The following AHRR variants were observed in gnomAD, a reference collection of about 807,000 sequenced individuals.
AHRR encodes aryl hydrocarbon receptor repressor, also known as ahR repressor.
Under a neutral mutation model 44.0 loss-of-function variants are expected in AHRR, and 28 were observed. That is an observed-to-expected ratio of 0.64 (90% CI 0.47 to 0.87). The LOEUF (loss-of-function observed/expected upper bound fraction) is 0.87. Among genes scored for constraint, AHRR ranks in the 40% least tolerant of loss-of-function variants. The pLI, the probability that AHRR is intolerant of heterozygous loss-of-function variation, is 0.00. For missense variants in AHRR, 990 were observed against 953.9 expected (o/e 1.04, Z -0.50); for synonymous variants, 434 against 407.0 (o/e 1.07, Z -0.80).
chr5:420,598 A>G (rs530180214), intron 5 of AHRR, among the ~76,000 whole-genome samples: 78 of 152,302 alleles, frequency 5.1e-4, no homozygotes, highest in African/African-American at 1.8e-3. Context: ...GCAGAGCTAG[A>G]CCCATGAGGA....
chr5:341,024 T>C (rs1196153973), intron 1 of AHRR, among the ~76,000 whole-genome samples: 1 of 150,462 alleles, frequency 6.6e-6, no homozygotes, highest in Non-Finnish European at 1.5e-5. Context: ...TCTTTTCTTT[T>C]CTTTTTTTTA....
intron 4 of AHRR, among the ~76,000 whole-genome samples, chr5:377,849 A>C (rs1334186708): frequency 1.3e-5 from 2 of 151,780 alleles, no homozygotes; most frequent in African/African-American, 4.8e-5. Context: ...CTTCAGGGGG[A>C]CTCTCCAAGA....
At chr5:353,696 A>G (rs1579615491) in intron 2 of AHRR, 34 bp from the exon 3 acceptor site, 1 of 1,573,746 alleles carries the variant, frequency 6.4e-7, no homozygotes, top group South Asian at 1.2e-5. Context: ...CTTCTGGTGG[A>G]GAAGCCCACC....
intron 4 of AHRR, among the ~76,000 whole-genome samples, chr5:378,196 A>G (rs1272309400): frequency 6.6e-6 from 1 of 152,266 alleles, no homozygotes; most frequent in Non-Finnish European, 1.5e-5. Context: ...AAAGCAAGCA[A>G]CAACAGCAGC....
At chr5:407,756 C>CAATGGACT (rs1310511903) in intron 4 of AHRR, among the ~76,000 whole-genome samples, 1 of 152,226 alleles carries the variant, frequency 6.6e-6, no homozygotes, top group Non-Finnish European at 1.5e-5. Context: ...CCAGGCTGGT[C>CAATGGACT]TCGAACTCCT....
At chr5:374,562 G>C (rs181609861) in intron 3 of AHRR, among the ~76,000 whole-genome samples, 26 of 152,296 alleles carry the variant, frequency 1.7e-4, no homozygotes, top group African/African-American at 6.0e-4. Context: ...GAAGAAATGG[G>C]GCAGTTTTTG....
At chr5:369,135 A>G (rs1179230688) in intron 3 of AHRR, among the ~76,000 whole-genome samples, 1 of 152,206 alleles carries the variant, frequency 6.6e-6, no homozygotes, top group Non-Finnish European at 1.5e-5. Flanking sequence ...TCCAGCACCC[A>G]CTTGCTGGGA....
intron 4 of AHRR, among the ~76,000 whole-genome samples, chr5:401,033 C>T (rs952539479): frequency 6.6e-6 from 1 of 152,186 alleles, no homozygotes; most frequent in African/African-American, 2.4e-5. Context: ...GGAGTGAGGC[C>T]CCTCAGTGTC....
intron 8 of AHRR, among the ~76,000 whole-genome samples, chr5:431,622 C>A (rs1438814361): frequency 2.0e-5 from 3 of 152,016 alleles, no homozygotes; most frequent in Non-Finnish European, 4.4e-5. Flanking sequence ...CCATGGCCCC[C>A]AGCAGCGGCC....
chr5:329,045 C>T (rs1741826337), intron 1 of AHRR, among the ~76,000 whole-genome samples: 1 of 152,182 alleles, frequency 6.6e-6, no homozygotes, highest in Non-Finnish European at 1.5e-5. Flanking sequence ...GGGCAGTTTC[C>T]TCCATGCTGT....
chr5:376,552 A>ATGAGAACGGCGGGGT, intron 3 of AHRR, 58 bp from the exon 4 acceptor site: 1 of 1,409,246 alleles, frequency 7.1e-7, no homozygotes, highest in Non-Finnish European at 9.6e-7. Flanking sequence ...ATGTGAATGA[A>ATGAGAACGGCGGGGT]GAAGAGTGGC....
Position 383,698 on chromosome 5 carries a change from G to A in AHRR, c.351+6982G>A, listed in dbSNP as rs534656074. On this transcript the variant is annotated intron_variant, in intron 4 of 10. Transcript: ENST00000684583. The surrounding 1 kb of genome is among the most constrained non-coding windows in gnomAD (Gnocchi z 4.0). ...CCGCTTCAGCTTCTTGAGTAGCTGG[G>A]ACTACAAGCATGTGCCACCATACCC... 2.6e-5 allele frequency among the ~76,000 whole-genome samples: 4 copies of A among 152,118 alleles called. No individual in the cohort carries two copies. In the South Asian group the frequency reaches 8.3e-4, roughly 32 times the overall value.
rs1163690651 is a variant in AHRR at position 404,289 on chromosome 5, G to C, written c.352-9055G>C. 1.2e-5 allele frequency: 6 copies of C among 492,996 alleles called. No homozygotes were observed. The highest frequency in any genetic ancestry group is 1.2e-4 in the Admixed American group (5 of 42,750). 30.5% of individuals were successfully genotyped at this position (492,996 alleles called of 1,614,324 possible). The stretch of plus-strand genomic sequence containing the variant: ...TCATTGCCCTTCTCATCAAACATGT[G>C]AATAATTCGCTAATTTTTCTTCCAG... On this transcript the variant is annotated intron_variant, in intron 4 of 10. Transcript: ENST00000684583. This position sits in a 1 kb window ranked among gnomAD's most constrained non-coding sequence, Gnocchi z 4.1.
In AHRR at chr5:397,986, G is replaced by A. The variant is rs1277207964; in HGVS notation, c.352-15358G>A. Among the ~76,000 whole-genome samples the A allele has an allele frequency of 1.7e-4, 13 of 78,320 alleles. No individual in the cohort carries two copies. The East Asian group carries it at 1.7e-3, about 10-fold the overall frequency. 51.4% of individuals were successfully genotyped at this position (78,320 alleles called of 152,430 possible). ...ATCCACATAGCTCCTGACCATCCAC[G>A]TAGCCCCTGACCATCCACGTAGCCC... is the stretch of plus-strand genomic sequence containing the variant. On this transcript the variant is annotated intron_variant, in intron 4 of 10. Transcript: ENST00000684583.
At position 336,426 on chromosome 5, in the gene AHRR, G is replaced by A. The variant is rs546244645; in HGVS notation, c.-10-7467G>A. 6.3e-4 allele frequency among the ~76,000 whole-genome samples: 96 copies of A among 152,314 alleles called. 1 individual carries two copies. Among genetic ancestry groups the A allele is most frequent in the Non-Finnish European group, 1.6e-4 (11 of 68,036 alleles). ...ATTTTGGTTCTTCTAAGTGGATGAGGTGTGCTTGAAATGCTTCTAGTCAAC... is the reference window on the plus strand; with the variant it reads ...ATTTTGGTTCTTCTAAGTGGATGAGATGTGCTTGAAATGCTTCTAGTCAAC... On this transcript the variant is annotated intron_variant, in intron 1 of 10. Transcript: ENST00000684583.
intron 5 of AHRR, chr5:421,171 C>A (rs1206818397): frequency 3.4e-6 from 2 of 590,444 alleles, no homozygotes. Flanking sequence ...GCCGCTCTGG[C>A]GCCCGGCTGG....
chr5:386,221 A>G (rs1021514352), intron 4 of AHRR, among the ~76,000 whole-genome samples: 4 of 152,090 alleles, frequency 2.6e-5, no homozygotes, highest in Non-Finnish European at 5.9e-5. Flanking sequence ...TCTGTTTATC[A>G]TCTTTTCCCT....
In AHRR at chr5:337,305, T is replaced by C. The variant is rs148299287; in HGVS notation, c.-10-6588T>C. ...AGCAAATCCCTAACATGCCATTTATTTCATATGTGTTTTAATGTGTATGTC... is the reference window on the plus strand; with the variant it reads ...AGCAAATCCCTAACATGCCATTTATCTCATATGTGTTTTAATGTGTATGTC... On this transcript the variant is annotated intron_variant, in intron 1 of 10. Transcript: ENST00000684583. This position sits in a 1 kb window ranked among gnomAD's most constrained non-coding sequence, Gnocchi z 4.1. Among the ~76,000 whole-genome samples the C allele has an allele frequency of 7.6e-4, 116 of 152,308 alleles. No homozygotes were observed. The highest frequency in any genetic ancestry group is 2.6e-3 in the African/African-American group (110 of 41,562).
At chr5:413,250 G>T (rs1335254335) in intron 4 of AHRR, 94 bp from the exon 5 acceptor site, 1 of 870,836 alleles carries the variant, frequency 1.1e-6, no homozygotes, top group Non-Finnish European at 1.8e-6. Flanking sequence ...CAAAACAGGA[G>T]GAAATTGTTG....
Sources: allele counts gnomAD v4.1 joint callset (sites outside exome capture counted in the v4.1 genomes callset), GRCh38; gene constraint gnomAD v4.1.1; non-coding constraint Gnocchi (gnomAD v3.1); transcripts MANE v1.5; gene names NCBI Gene and HGNC (gene_info 2026-07-23, HGNC 2026-07-21).